The following CDH5 variants were observed in gnomAD, a reference collection of about 807,000 sequenced individuals.
CDH5 encodes cadherin 5, also known as cadherin-5.
In CDH5, 28 loss-of-function variants were observed where a neutral mutation model predicts 62.0. The observed-to-expected ratio is 0.45, with a 90% CI of 0.33 to 0.62. The LOEUF is 0.62. CDH5 is among the 20% of genes least tolerant of loss of function. The pLI is 0.02. For missense variants in CDH5, 940 were observed against 1,065.1 expected, an observed-to-expected ratio of 0.88 and a Z score of 1.63; for synonymous variants, 464 against 445.8, an observed-to-expected ratio of 1.04 and a Z score of -0.52.
At chr16:66,402,023 AATG>A (rs1961291901) in intron 11 of CDH5, among the ~76,000 whole-genome samples, 1 of 152,086 alleles carries the variant, frequency 6.6e-6, no homozygotes, top group Non-Finnish European at 1.5e-5. Context: ...ATTAATAATT[AATG>A]ATGATGATGG....
rs577037496 is a variant in CDH5, at chr16:66,371,703, C to T, written c.-20+4945C>T. Reference sequence around the variant, plus strand: ...AACCCCCTATACTGCAAAGCCCAGACTTGGCCCCTGGAATCTAAGGCTTGA... The same window carrying T: ...AACCCCCTATACTGCAAAGCCCAGATTTGGCCCCTGGAATCTAAGGCTTGA... On this transcript the variant is annotated intron_variant, in intron 1 of 11. Coordinates refer to ENST00000341529, the MANE Select transcript of CDH5 (RefSeq NM_001795.5). Among the ~76,000 whole-genome samples, 272 of 152,298 alleles carry T rather than the reference C, an allele frequency of 1.8e-3. 2 individuals are homozygous for T. The highest frequency in any genetic ancestry group is 6.3e-3 in the African/African-American group (262 of 41,566).
At chr16:66,367,892 G>A (rs1309796596) in intron 1 of CDH5, among the ~76,000 whole-genome samples, 1 of 152,148 alleles carries the variant, frequency 6.6e-6, no homozygotes, top group Non-Finnish European at 1.5e-5. Flanking sequence ...CACATAACAT[G>A]AGATCTTTAA....
rs375908441 is a variant in CDH5, at chr16:66,389,541, G to T, written c.781+19G>T. The T allele has an allele frequency of 8.5e-6, 13 of 1,536,156 alleles. No individual in the cohort carries two copies. Among genetic ancestry groups the T allele is most frequent in the East Asian group, 2.4e-5 (1 of 42,488 alleles). The stretch of plus-strand genomic sequence containing the variant: ...ACCCAGAGTGAGCCCCTCCTCTAGG[G>T]CCCTGGGAAGGGGGGCTGGGATACC... On this transcript the variant is annotated intron_variant, in intron 5 of 11. Transcript: ENST00000341529.
chr16:66,402,974 C>T lies in CDH5; in HGVS notation c.2160C>T (p.Gly720=), dbSNP rs762876401. The change falls in exon 12 of 12, where the codon GGC becomes GGT. Residue 720 remains glycine, a synonymous_variant. Coordinates refer to ENST00000341529, the MANE Select transcript of CDH5 (RefSeq NM_001795.5). The part of the protein sequence containing the change: ...EVKKDEADHD[G]DGPPYDTLHI... ...AGAAGGACGAGGCGGACCACGACGG[C>T]GACGGCCCCCCCTACGACACGCTGC... The T allele has an allele frequency of 1.2e-5, 20 of 1,612,780 alleles. No individual in the cohort carries two copies. In the African/African-American group the frequency reaches 2.4e-4, roughly 19 times the overall value.
Position 66,380,428 on chromosome 16 carries a change from G to A in CDH5, c.210+881G>A, listed in dbSNP as rs117548576. On this transcript the variant is annotated intron_variant, in intron 2 of 11. Coordinates refer to ENST00000341529, the MANE Select transcript of CDH5 (RefSeq NM_001795.5). ...TGGTGCTGATAAAGGGTAGGTGGTCGTTGTGATGATGGTGATGATGGTGAT... is the reference window on the plus strand; with the variant it reads ...TGGTGCTGATAAAGGGTAGGTGGTCATTGTGATGATGGTGATGATGGTGAT... Among the ~76,000 whole-genome samples, 1,088 of 149,898 alleles carry A rather than the reference G, an allele frequency of 7.3e-3. 49 individuals are homozygous for A. In the East Asian group the frequency reaches 0.086, roughly 12 times the overall value.
intron 3 of CDH5, 143 bp downstream of exon 3, chr16:66,387,240 G>A: frequency 2.6e-6 from 2 of 769,214 alleles, no homozygotes; most frequent in Non-Finnish European, 4.1e-6. Context: ...CACTTTACAT[G>A]ATTTGAAAGA....
At chr16:66,400,170 A>C (rs915902823) in intron 10 of CDH5, among the ~76,000 whole-genome samples, 1 of 152,174 alleles carries the variant, frequency 6.6e-6, no homozygotes, top group African/African-American at 2.4e-5. Context: ...CACTGATTGG[A>C]TCTGGGAAGG....
At chr16:66,378,386 G>C (rs1960821973) in intron 1 of CDH5, among the ~76,000 whole-genome samples, 1 of 152,194 alleles carries the variant, frequency 6.6e-6, no homozygotes, top group South Asian at 2.1e-4. Context: ...AAACCTCTCT[G>C]TTCCTCTTCT....
rs1033149750 is a variant in CDH5 at position 66,391,721 on chromosome 16, G to A, written c.970-415G>A. Reference sequence around the variant, plus strand: ...CTGGGAGGTGGAAGTTGTAGTGAGCGGAGGTCGTGCCATTGCACTCCAATC... The same window carrying A: ...CTGGGAGGTGGAAGTTGTAGTGAGCAGAGGTCGTGCCATTGCACTCCAATC... On this transcript the variant is annotated intron_variant, in intron 6 of 11. Coordinates refer to ENST00000341529, the MANE Select transcript of CDH5 (RefSeq NM_001795.5). Among the ~76,000 whole-genome samples, 8 of 152,304 alleles carry A rather than the reference G, an allele frequency of 5.3e-5. No homozygotes were observed. In the East Asian group the frequency reaches 9.7e-4, roughly 18 times the overall value.
In CDH5 at chr16:66,402,844, C is replaced by T. The variant is rs1201962235; in HGVS notation, c.2030C>T (p.Ala677Val). The T allele has an allele frequency of 6.2e-7, 1 of 1,600,880 alleles. No homozygotes were observed. ...GGCGGGGCCAAGCCCCCGCGGCCCG[C>T]GCTGGACGCCCGGCCTTCCCTCTAT... is the stretch of plus-strand genomic sequence containing the variant. ...RRGGAKPPRP[A>V]LDARPSLYAQ... The change falls in exon 12 of 12, where the codon GCG becomes GTG. Residue 677 changes from alanine to valine, a missense_variant. Transcript: ENST00000341529.
rs1567470829 is a variant in CDH5, at chr16:66,404,291, C to G, written c.*1122C>G. On this transcript the variant is annotated 3_prime_UTR_variant, in exon 12 of 12. Coordinates refer to ENST00000341529, the MANE Select transcript of CDH5 (RefSeq NM_001795.5). ...CAGGCACACCTTGCAGAAGGCAAGG[C>G]CCTGCCCTGCCCAACCTCTGTGGTC... is the stretch of plus-strand genomic sequence containing the variant. The G allele has an allele frequency of 6.5e-6, 1 of 152,728 alleles. No homozygotes were observed. Among genetic ancestry groups the G allele is most frequent in the South Asian group, 2.1e-4 (1 of 4,836 alleles). 9.5% of individuals were successfully genotyped at this position (152,728 alleles called of 1,614,324 possible).
At chr16:66,384,386 G>GC (rs1960948191) in intron 2 of CDH5, among the ~76,000 whole-genome samples, 1 of 151,190 alleles carries the variant, frequency 6.6e-6, no homozygotes, top group South Asian at 2.1e-4. Flanking sequence ...GAGCCACCAT[G>GC]CCCCCCGAGT....
intron 7 of CDH5, chr16:66,392,633 G>A (rs1416668127): frequency 3.8e-6 from 2 of 521,252 alleles, no homozygotes; most frequent in Non-Finnish European, 6.9e-6. Context: ...GGCCTTGAAG[G>A]CTTATTCTCT....
At chr16:66,379,942 G>A (rs892358144) in intron 2 of CDH5, among the ~76,000 whole-genome samples, 46 of 90,898 alleles carry the variant, frequency 5.1e-4, no homozygotes, top group Non-Finnish European at 6.3e-4. Flanking sequence ...TGGTGATCAC[G>A]GTGATGGTGG....
chr16:66,392,357 C>T lies in CDH5; in HGVS notation c.1191C>T (p.Asp397=). The T allele has an allele frequency of 6.2e-7, 1 of 1,614,140 alleles. No individual in the cohort carries two copies. Among genetic ancestry groups the T allele is most frequent in the Non-Finnish European group, 8.5e-7 (1 of 1,180,026 alleles). Reference sequence around the variant, plus strand: ...TGATTGGCACAGTGCTGGCCATGGACCCTGATGCGGCTAGGCATAGCATTG... The same window carrying T: ...TGATTGGCACAGTGCTGGCCATGGATCCTGATGCGGCTAGGCATAGCATTG... ...KPLIGTVLAM[D]PDAARHSIGY... is the part of the protein sequence containing the mutation. The change falls in exon 7 of 12, where the codon GAC becomes GAT. Residue 397 remains aspartate (D), a synonymous_variant. Coordinates refer to ENST00000341529, the MANE Select transcript of CDH5 (RefSeq NM_001795.5).
At chr16:66,379,146 CCGAGTGCATG>C in intron 1 of CDH5, 163 bp from the exon 2 acceptor site, 1 of 552,154 alleles carries the variant, frequency 1.8e-6, no homozygotes, top group East Asian at 2.9e-5. Context: ...GACCTTTCAT[CCGAGTGCATG>C]ACTGCTCCCT....
chr16:66,389,798 C>T (rs1961051504), intron 5 of CDH5, among the ~76,000 whole-genome samples: 1 of 152,184 alleles, frequency 6.6e-6, no homozygotes, highest in South Asian at 2.1e-4. Flanking sequence ...CTGTGTCCCA[C>T]CATGAGACAC....
intron 5 of CDH5, 121 bp downstream of exon 5, chr16:66,389,643 G>A (rs2142329805): frequency 1.2e-6 from 1 of 837,772 alleles, no homozygotes; most frequent in Non-Finnish European, 1.8e-6. Flanking sequence ...GGGTAGGCCT[G>A]ATGCCCAAAG....
chr16:66,368,186 G>A (rs917842031), intron 1 of CDH5, among the ~76,000 whole-genome samples: 5 of 152,156 alleles, frequency 3.3e-5, no homozygotes, highest in East Asian at 1.9e-4. Context: ...TTGAGGAGTC[G>A]AGGGTGTACC....
Sources: gnomAD v4.1 joint callset for allele counts (sites outside exome capture counted in the v4.1 genomes callset) on GRCh38, gnomAD v4.1.1 for gene constraint, MANE v1.5 for transcripts, NCBI Gene and HGNC (gene_info 2026-07-23, HGNC 2026-07-21) for gene names.